DLG2: variants seen among roughly 807,000 people sequenced by gnomAD.
DLG2 encodes the protein disks large homolog 2.
In DLG2, 45 loss-of-function variants were observed where a neutral mutation model predicts 132.5. The ratio of observed to expected loss-of-function variants is 0.34; its 90% confidence interval spans 0.27 to 0.44. The LOEUF (loss-of-function observed/expected upper bound fraction) is 0.44. DLG2 is among the 20% of genes least tolerant of loss of function. The pLI is 1.00. For synonymous variants in DLG2, 424 were observed against 419.6 expected (o/e 1.01, Z -0.13); for missense variants, 1,045 against 1,196.9 (o/e 0.87, Z 1.87).
intron 6 of DLG2, among the ~76,000 whole-genome samples, chr11:84,585,175 ATTAAT>A (rs1301773540): frequency 6.6e-6 from 1 of 152,080 alleles, no homozygotes; most frequent in African/African-American, 2.4e-5. Context: ...TGAGATAGGA[ATTAAT>A]TTAATTTTTC....
Position 84,505,155 on chromosome 11 carries a change from T to C in DLG2, c.519+29415A>G, listed in dbSNP as rs370014657. ...TATAGTAGTATTAAAATGTATCCTA[T>C]TTATTTCAAACAATCAGTAGTTCTG... is the stretch of plus-strand genomic sequence containing the variant. On this transcript the variant is annotated intron_variant, in intron 7 of 27. Transcript: ENST00000376104. Among the ~76,000 whole-genome samples, 33 of 152,144 alleles carry C rather than the reference T, an allele frequency of 2.2e-4. 1 individual carries two copies. Among genetic ancestry groups the C allele is most frequent in the East Asian group, 2.1e-3 (11 of 5,196 alleles).
chr11:85,056,768 G>C (rs1327168768), intron 6 of DLG2, among the ~76,000 whole-genome samples: 2 of 152,014 alleles, frequency 1.3e-5, no homozygotes, highest in Non-Finnish European at 1.5e-5. Context: ...TTATAAAGAA[G>C]CAAAGATAAC....
At chr11:84,821,651 C>CAAAA (rs1452375406) in intron 6 of DLG2, among the ~76,000 whole-genome samples, 9 of 121,056 alleles carry the variant, frequency 7.4e-5, no homozygotes, top group African/African-American at 2.5e-4. Flanking sequence ...ACAACAACAA[C>CAAAA]AAAAAAAACA....
intron 4 of DLG2, among the ~76,000 whole-genome samples, chr11:85,156,995 G>C (rs1397946467): frequency 6.6e-6 from 1 of 152,214 alleles, no homozygotes; most frequent in Non-Finnish European, 1.5e-5. Flanking sequence ...ATTTGAGTGA[G>C]TGGGATGGGA....
chr11:85,294,229 T>G (rs1043586566), intron 3 of DLG2, among the ~76,000 whole-genome samples: 1 of 152,138 alleles, frequency 6.6e-6, no homozygotes, highest in African/African-American at 2.4e-5. Flanking sequence ...GTGACTACTA[T>G]TCTTATAACT....
At chr11:84,625,615 A>G (rs373577558) in intron 6 of DLG2, among the ~76,000 whole-genome samples, 2 of 152,318 alleles carry the variant, frequency 1.3e-5, no homozygotes, top group East Asian at 3.9e-4. Flanking sequence ...AATGATAAAA[A>G]TATTGAAACT....
intron 3 of DLG2, among the ~76,000 whole-genome samples, chr11:85,316,830 G>A (rs145233316): frequency 1.7e-4 from 26 of 151,992 alleles, no homozygotes; most frequent in Non-Finnish European, 2.9e-4. Context: ...ACTAGGCAAG[G>A]CACTAAGGAT....
At chr11:84,618,162 A>G (rs1207888376) in intron 6 of DLG2, among the ~76,000 whole-genome samples, 1 of 152,084 alleles carries the variant, frequency 6.6e-6, no homozygotes, top group African/African-American at 2.4e-5. Flanking sequence ...GGGGAGGAGC[A>G]TATAGGTTCA....
chr11:83,881,980 AAT>A (rs796074741), intron 15 of DLG2, among the ~76,000 whole-genome samples: 34 of 152,246 alleles, frequency 2.2e-4, no homozygotes, highest in African/African-American at 7.2e-4. Context: ...AAGATCAAAA[AAT>A]ATTATAAAAT....
chr11:83,950,399 A>C (rs1192113488), intron 14 of DLG2, among the ~76,000 whole-genome samples: 1 of 152,206 alleles, frequency 6.6e-6, no homozygotes, highest in Non-Finnish European at 1.5e-5. Flanking sequence ...GTTCGAGACC[A>C]GCCTGACCAA....
intron 21 of DLG2, among the ~76,000 whole-genome samples, chr11:83,520,326 A>G (rs1051260916): frequency 3.9e-5 from 6 of 152,216 alleles, no homozygotes; most frequent in Non-Finnish European, 7.3e-5. Context: ...CATTACGGTT[A>G]TCACTACTAA....
intron 18 of DLG2, among the ~76,000 whole-genome samples, chr11:83,748,287 G>A (rs1200773971): frequency 1.3e-5 from 2 of 152,146 alleles, no homozygotes; most frequent in African/African-American, 4.8e-5. Flanking sequence ...ACCTTGACTA[G>A]TTCCAGATCT....
intron 3 of DLG2, among the ~76,000 whole-genome samples, chr11:85,461,295 T>C (rs1202956150): frequency 1.3e-5 from 2 of 152,254 alleles, no homozygotes; most frequent in East Asian, 1.9e-4. Flanking sequence ...TGTGTCAGGA[T>C]GCTTGCCAAA....
intron 3 of DLG2, among the ~76,000 whole-genome samples, chr11:85,445,329 A>C (rs1020807228): frequency 6.6e-6 from 1 of 152,186 alleles, no homozygotes; most frequent in Non-Finnish European, 1.5e-5. Context: ...CAAATCCAGA[A>C]GCCATACCTC....
At chr11:85,209,169 A>T (rs775633247) in intron 4 of DLG2, among the ~76,000 whole-genome samples, 4 of 152,066 alleles carry the variant, frequency 2.6e-5, no homozygotes, top group South Asian at 2.1e-4. Context: ...AAAAATAAAG[A>T]TCACACTAGT....
intron 10 of DLG2, among the ~76,000 whole-genome samples, chr11:84,080,104 A>C (rs2096882614): frequency 6.6e-6 from 1 of 151,990 alleles, no homozygotes; most frequent in African/African-American, 2.4e-5. Flanking sequence ...ATGGTGGCAA[A>C]GATCCTGATT....
intron 8 of DLG2, among the ~76,000 whole-genome samples, chr11:84,205,731 G>A (rs956743899): frequency 3.9e-5 from 6 of 151,946 alleles, no homozygotes; most frequent in Non-Finnish European, 7.4e-5. Flanking sequence ...TTAAATGCTT[G>A]TAATGGAAAT....
At chr11:85,105,816 G>A (rs1021757835) in intron 6 of DLG2, among the ~76,000 whole-genome samples, 3 of 151,878 alleles carry the variant, frequency 2.0e-5, no homozygotes, top group African/African-American at 7.2e-5. Context: ...AATTAGTCCA[G>A]AGGGTGCTGC....
intron 17 of DLG2, among the ~76,000 whole-genome samples, chr11:83,821,300 C>T (rs1030774546): frequency 6.6e-6 from 1 of 152,158 alleles, no homozygotes; most frequent in Non-Finnish European, 1.5e-5. Flanking sequence ...ATCGACTCTC[C>T]ACTTATGTCA....
Sources: allele counts gnomAD v4.1 joint callset (sites outside exome capture counted in the v4.1 genomes callset), GRCh38; gene constraint gnomAD v4.1.1; transcripts MANE v1.5; gene names NCBI Gene and HGNC (gene_info 2026-07-23, HGNC 2026-07-21).